The following AFAP1L2 variants were observed in gnomAD, a reference collection of about 807,000 sequenced individuals.
The protein encoded by AFAP1L2 is actin filament-associated protein 1-like 2.
Under a neutral mutation model 99.3 loss-of-function variants are expected in AFAP1L2, and 46 were observed. That is an observed-to-expected ratio of 0.46 (90% CI 0.37 to 0.59). The LOEUF is 0.59. Ranked by LOEUF, AFAP1L2 falls within the 20% of genes least tolerant of loss-of-function variation. AFAP1L2 has a pLI of 0.00. For synonymous variants in AFAP1L2, 397 were observed against 419.1 expected (o/e 0.95, Z 0.64); for missense variants, 959 against 1,034.9 (o/e 0.93, Z 1.01).
At chr10:114,348,273 T>C (rs931223251) in intron 1 of AFAP1L2, among the ~76,000 whole-genome samples, 1 of 152,218 alleles carries the variant, frequency 6.6e-6, no homozygotes, top group African/African-American at 2.4e-5. Context: ...CGCTCCTGTT[T>C]TTACTGTGAA....
rs1479850853 is a variant in AFAP1L2, at chr10:114,366,924, G to A, written c.17-26193C>T. The stretch of plus-strand genomic sequence containing the variant: ...TGGCGGTGCAGTGAGTTGAGATCAC[G>A]ACACTGCACTCCAGCCTGGGTGACA... On this transcript the variant is annotated intron_variant, in intron 1 of 18. Transcript: ENST00000304129. Among the ~76,000 whole-genome samples, 9 of 152,266 alleles carry A rather than the reference G, an allele frequency of 5.9e-5. No homozygotes were observed. In the East Asian group the frequency reaches 1.2e-3, roughly 20 times the overall value.
At chr10:114,360,195 G>A (rs2052042818) in intron 1 of AFAP1L2, among the ~76,000 whole-genome samples, 1 of 152,162 alleles carries the variant, frequency 6.6e-6, no homozygotes, top group Non-Finnish European at 1.5e-5. Flanking sequence ...GACTAAGAGG[G>A]AATTCCTCCT....
chr10:114,290,428 C>T, downstream of AFAP1L2: 8 of 1,536,270 alleles, frequency 5.2e-6, no homozygotes, highest in Non-Finnish European at 7.0e-6. Flanking sequence ...CTGCCAAGTC[C>T]CACAAACTCA....
intron 1 of AFAP1L2, among the ~76,000 whole-genome samples, chr10:114,357,499 A>G (rs1399769220): frequency 6.6e-6 from 1 of 152,086 alleles, no homozygotes; most frequent in Non-Finnish European, 1.5e-5. Context: ...GTCTACCCAC[A>G]ACAACATTTC....
At chr10:114,301,827 G>T (rs973863999) in intron 12 of AFAP1L2, 2 of 307,500 alleles carry the variant, frequency 6.5e-6, no homozygotes, top group Non-Finnish European at 1.2e-5. Flanking sequence ...TTGGGGTGGC[G>T]CAGGCCAGAC....
downstream of AFAP1L2, chr10:114,290,264 G>A: frequency 6.4e-7 from 1 of 1,550,522 alleles, no homozygotes; most frequent in South Asian, 1.2e-5. Flanking sequence ...GTCAACCTCT[G>A]CAAACCCAGC....
intron 1 of AFAP1L2, among the ~76,000 whole-genome samples, chr10:114,372,414 G>A (rs12246485): frequency 2.6e-5 from 4 of 152,000 alleles, no homozygotes; most frequent in Admixed American, 6.6e-5. Flanking sequence ...CGGGTAGGAG[G>A]GGCAGGGTTT....
intron 2 of AFAP1L2, among the ~76,000 whole-genome samples, chr10:114,339,517 G>T (rs139513949): frequency 4.8e-4 from 73 of 152,330 alleles, no homozygotes; most frequent in African/African-American, 1.7e-3. Flanking sequence ...AGAGATTTCT[G>T]GGGCTCGGGC....
intron 1 of AFAP1L2, among the ~76,000 whole-genome samples, chr10:114,388,442 C>A (rs57684453): frequency 0.02 from 3,027 of 152,184 alleles, 89 homozygotes; most frequent in African/African-American, 0.068. Context: ...TGTTGGACAC[C>A]ACCCCCCACC....
At chr10:114,349,693 G>A (rs2050167065) in intron 1 of AFAP1L2, among the ~76,000 whole-genome samples, 1 of 151,694 alleles carries the variant, frequency 6.6e-6, no homozygotes, top group East Asian at 1.9e-4. Context: ...ACCCAAAGCA[G>A]ACTGTAGTCA....
chr10:114,339,491 G>C (rs1181612491), intron 2 of AFAP1L2, among the ~76,000 whole-genome samples: 6 of 152,178 alleles, frequency 3.9e-5, no homozygotes, highest in African/African-American at 1.2e-4. Flanking sequence ...CTCGTGGGCT[G>C]CTGTGTCAAG....
the AFAP1L2 span, chr10:114,285,848 C>G: frequency 1.5e-6 from 2 of 1,341,280 alleles, no homozygotes; most frequent in Non-Finnish European, 2.0e-6. Context: ...TGCACCATCT[C>G]CCTCCTGGGA....
chr10:114,355,361 C>T (rs7086566), intron 1 of AFAP1L2, among the ~76,000 whole-genome samples: 2 of 151,088 alleles, frequency 1.3e-5, no homozygotes, highest in East Asian at 2.0e-4. Context: ...TTCACACAAA[C>T]TGCTGTGATT....
downstream of AFAP1L2, chr10:114,291,363 T>TTCC (rs2133744910): frequency 8.4e-7 from 1 of 1,183,534 alleles, no homozygotes; most frequent in East Asian, 2.7e-5. Flanking sequence ...GAATGTCTGC[T>TTCC]TCCCGCCGTG....
intron 4 of AFAP1L2, among the ~76,000 whole-genome samples, chr10:114,329,711 G>A (rs563832550): frequency 1.3e-5 from 2 of 152,332 alleles, no homozygotes; most frequent in Admixed American, 6.5e-5. Context: ...AGGGCTGAAA[G>A]TGAGGGGAGC....
upstream of AFAP1L2, chr10:114,404,602 C>T (rs557118800): frequency 1.0e-4 from 122 of 1,219,008 alleles, 1 homozygote; most frequent in East Asian, 3.1e-3. Flanking sequence ...GCCCAGGGTC[C>T]TCGGACCTGG....
chr10:114,351,681 C>T (rs1253400435), intron 1 of AFAP1L2, among the ~76,000 whole-genome samples: 1 of 150,134 alleles, frequency 6.7e-6, no homozygotes. Context: ...TCCTGGGCCA[C>T]CCCCCTGCCC....
At chr10:114,291,757 G>T (rs1889448), downstream of AFAP1L2, among the ~76,000 whole-genome samples, 947 of 152,372 alleles carry the variant, frequency 6.2e-3, 8 homozygotes, top group African/African-American at 0.022. Flanking sequence ...CATTCTGGAT[G>T]CATTTGCATT....
chr10:114,335,686 T>C (rs1002712723), intron 2 of AFAP1L2, among the ~76,000 whole-genome samples: 2 of 152,092 alleles, frequency 1.3e-5, no homozygotes, highest in Admixed American at 6.5e-5. Context: ...CATTGAACTC[T>C]ACCCAATCGT....
Sources: allele counts gnomAD v4.1 joint callset (sites outside exome capture counted in the v4.1 genomes callset), GRCh38; gene constraint gnomAD v4.1.1; transcripts MANE v1.5; gene names NCBI Gene and HGNC (gene_info 2026-07-23, HGNC 2026-07-21).